The following SI variants were observed in gnomAD, a reference collection of about 807,000 sequenced individuals.
SI encodes the protein sucrase-isomaltase, intestinal.
Under a neutral mutation model 253.3 loss-of-function variants are expected in SI, and 235 were observed. That is an observed-to-expected ratio of 0.93 (90% CI 0.83 to 1.03). SI has a LOEUF of 1.03. SI is among the 50% of genes least tolerant of loss of function. The pLI is 0.00. For synonymous variants in SI, 819 were observed against 712.0 expected, an observed-to-expected ratio of 1.15 and a Z score of -2.39; for missense variants, 2,442 against 2,211.1, an observed-to-expected ratio of 1.10 and a Z score of -2.09.
Position 165,009,303 on chromosome 3 carries a change from C to T in SI, c.4155G>A (p.Lys1385=), listed in dbSNP as rs760213744. 5 of 1,610,196 alleles carry T rather than the reference C, an allele frequency of 3.1e-6. No individual in the cohort carries two copies. The highest frequency in any genetic ancestry group is 4.2e-6 in the Non-Finnish European group (5 of 1,176,722). ...CAATCCACAAACCATCAAACTTCAT[C>T]TTTTCATTGTAAAAGTCCACAATTT... is the stretch of plus-strand genomic sequence containing the variant. The part of the protein sequence containing the change: ...AREIVDFYNE[K]MKFDGLWIDM... Residue 1385 remains lysine, a synonymous_variant, in exon 35 of 48, where the codon AAG becomes AAA. Coordinates refer to ENST00000264382, the MANE Select transcript of SI (RefSeq NM_001041.4).
chr3:164,990,172 AG>A (rs948071475), intron 44 of SI, among the ~76,000 whole-genome samples: 8 of 152,100 alleles, frequency 5.3e-5, no homozygotes, highest in Admixed American at 3.9e-4. Context: ...GTGGGCGAGC[AG>A]GGGGTAAATG....
chr3:164,995,457 G>A (rs1238154761), intron 40 of SI, among the ~76,000 whole-genome samples: 1 of 151,686 alleles, frequency 6.6e-6, no homozygotes, highest in African/African-American at 2.4e-5. Flanking sequence ...TATACAATTC[G>A]AGTAATACAT....
chr3:165,016,319 T>C (rs1041000159), intron 31 of SI, among the ~76,000 whole-genome samples: 1 of 151,998 alleles, frequency 6.6e-6, no homozygotes, highest in African/African-American at 2.4e-5. Flanking sequence ...TTTAGTCATT[T>C]TGATTTAGAG....
rs375681712 is a variant in SI, at chr3:165,023,758, C to T, written c.2911G>A (p.Ala971Thr). 1 of 1,609,812 alleles carries T rather than the reference C, an allele frequency of 6.2e-7. No homozygotes were observed. Among genetic ancestry groups the T allele is most frequent in the Non-Finnish European group, 8.5e-7 (1 of 1,177,214 alleles). Reference sequence around the variant, plus strand: ...TGTCTGGGAAAGTAACACTCAGGTGCTTTGGATAGAGAAGAACCCTAAAAA... The same window carrying T: ...TGTCTGGGAAAGTAACACTCAGGTGTTTTGGATAGAGAAGAACCCTAAAAA... ...VWRTGSSLSK[A>T]PECYFPRQDN... is the part of the protein sequence containing the mutation. The change falls in exon 26 of 48, where the codon GCA (alanine) becomes ACA (threonine). Residue 971 changes from alanine to threonine, a missense_variant. Coordinates refer to ENST00000264382, the MANE Select transcript of SI (RefSeq NM_001041.4).
chr3:164,992,549 G>T, intron 41 of SI, 152 bp from the exon 42 acceptor site: 1 of 627,746 alleles, frequency 1.6e-6, no homozygotes, highest in Non-Finnish European at 2.8e-6. Context: ...ATATCAGTTG[G>T]AATGTAATAG....
intron 12 of SI, among the ~76,000 whole-genome samples, chr3:165,057,982 T>A (rs963378326): frequency 4.6e-5 from 7 of 152,002 alleles, no homozygotes; most frequent in African/African-American, 1.7e-4. Context: ...CTACAGACAT[T>A]CTTTTTTTCA....
chr3:164,990,663 C>T (rs1360417848), intron 44 of SI, among the ~76,000 whole-genome samples: 1 of 152,012 alleles, frequency 6.6e-6, no homozygotes, highest in Non-Finnish European at 1.5e-5. Flanking sequence ...AACCAAACAC[C>T]GCATGTTCTC....
intron 35 of SI, 126 bp downstream of exon 35, chr3:165,009,153 G>T: frequency 1.5e-6 from 1 of 681,514 alleles, no homozygotes; most frequent in Non-Finnish European, 2.6e-6. Context: ...AAAGTTCTGT[G>T]GGGGAAAAAA....
chr3:165,049,925 C>A, intron 13 of SI, 50 bp from the exon 14 acceptor site: 1 of 1,134,962 alleles, frequency 8.8e-7, no homozygotes, highest in Non-Finnish European at 1.3e-6. Flanking sequence ...ATTATAAATC[C>A]TATTAGCAGA....
intron 18 of SI, among the ~76,000 whole-genome samples, chr3:165,040,297 G>A (rs1712752274): frequency 7.5e-6 from 1 of 133,338 alleles, no homozygotes; most frequent in South Asian, 2.5e-4. Flanking sequence ...GGGTAGGGAA[G>A]GGAAGAAGGA....
chr3:165,028,110 T>C (rs778096987), intron 25 of SI, among the ~76,000 whole-genome samples: 3 of 151,460 alleles, frequency 2.0e-5, no homozygotes, highest in Non-Finnish European at 4.4e-5. Flanking sequence ...AAAATTAACG[T>C]ACAGAAGTCA....
the SI span, among the ~76,000 whole-genome samples, chr3:165,086,149 G>A: frequency 6.6e-6 from 1 of 152,220 alleles, no homozygotes; most frequent in South Asian, 2.1e-4. Flanking sequence ...AGCTACTTGG[G>A]AGGCTGAGGC....
chr3:165,038,108 T>A (rs1712627382), intron 20 of SI, 84 bp from the exon 21 acceptor site: 1 of 1,243,730 alleles, frequency 8.0e-7, no homozygotes, highest in Admixed American at 1.7e-5. Flanking sequence ...GCATTTTTAT[T>A]ATGAGCAATT....
At chr3:165,066,685 C>T (rs1714264240) in intron 6 of SI, among the ~76,000 whole-genome samples, 1 of 151,762 alleles carries the variant, frequency 6.6e-6, no homozygotes, top group Non-Finnish European at 1.5e-5. Flanking sequence ...CAGTATTTGC[C>T]TTTTTGTGCC....
At chr3:165,015,874 A>C in intron 32 of SI, 78 bp downstream of exon 32, 1 of 1,276,504 alleles carries the variant, frequency 7.8e-7, no homozygotes, top group South Asian at 1.2e-5. Context: ...ATTTTGAAAC[A>C]TCTTCCCCCC....
At chr3:165,033,204 AT>A (rs977689706) in intron 23 of SI, among the ~76,000 whole-genome samples, 190 bp downstream of exon 23, 2 of 151,584 alleles carry the variant, frequency 1.3e-5, no homozygotes, top group African/African-American at 2.4e-5. Flanking sequence ...ACTTTATAAA[AT>A]TTTAAGGTAA....
At chr3:164,992,929 T>C (rs1717834731) in intron 41 of SI, among the ~76,000 whole-genome samples, 1 of 151,858 alleles carries the variant, frequency 6.6e-6, no homozygotes, top group Non-Finnish European at 1.5e-5. Context: ...CAAAGGTTTT[T>C]TTTTTGTTTG....
chr3:165,069,093 T>C lies in SI; in HGVS notation c.358A>G (p.Thr120Ala), dbSNP rs1714408701. Residue 120 changes from threonine (T) to alanine (A), a missense_variant, in exon 4 of 48, where the codon ACA becomes GCA. Thr to Ala is a moderately conservative substitution (Grantham distance 58). Coordinates refer to ENST00000264382, the MANE Select transcript of SI (RefSeq NM_001041.4). ...DNHGYNVQDM[T>A]TTSIGVEAKL... ...GACTTCTTACCAATACTTGTTGTTGTCATGTCTTGAACGTTATAACCATGA... is the reference window on the plus strand; with the variant it reads ...GACTTCTTACCAATACTTGTTGTTGCCATGTCTTGAACGTTATAACCATGA... The C allele has an allele frequency of 6.2e-7, 1 of 1,607,534 alleles. No homozygotes were observed. Among genetic ancestry groups the C allele is most frequent in the African/African-American group, 1.3e-5 (1 of 74,908 alleles).
chr3:165,054,568 T>TG (rs1490673073), intron 13 of SI, among the ~76,000 whole-genome samples: 2 of 152,234 alleles, frequency 1.3e-5, no homozygotes, highest in East Asian at 3.9e-4. Context: ...TTGGTCGGGC[T>TG]GGTCTCGAAC....
Sources: allele counts gnomAD v4.1 joint callset (sites outside exome capture counted in the v4.1 genomes callset), GRCh38; gene constraint gnomAD v4.1.1; transcripts MANE v1.5; gene names NCBI Gene and HGNC (gene_info 2026-07-23, HGNC 2026-07-21).